ADGB: variants seen among roughly 807,000 people sequenced by gnomAD.
ADGB encodes androglobin.
Under a neutral mutation model 210.5 loss-of-function variants are expected in ADGB, and 172 were observed. The ratio of observed to expected loss-of-function variants is 0.82; its 90% CI spans 0.72 to 0.93. The LOEUF (loss-of-function observed/expected upper bound fraction) is 0.93, where lower values mean the gene tolerates loss of function less well. Ranked by LOEUF, ADGB falls within the 40% of genes least tolerant of loss-of-function variation. The pLI, the probability that ADGB is intolerant of heterozygous loss-of-function variation, is 0.00. For missense variants in ADGB, 2,025 were observed against 1,964.8 expected, an observed-to-expected ratio of 1.03 and a Z score of -0.58; for synonymous variants, 658 against 662.7, an observed-to-expected ratio of 0.99 and a Z score of 0.11.
At chr6:146,803,452 T>A in intron 35 of ADGB, 1 of 1,607,808 alleles carries the variant, frequency 6.2e-7, no homozygotes, top group Non-Finnish European at 8.5e-7. Context: ...GGGCTGTTTT[T>A]TTCTGTAACA....
chr6:146,610,212 TG>T (rs1429966675), intron 1 of ADGB, among the ~76,000 whole-genome samples: 24 of 152,224 alleles, frequency 1.6e-4, no homozygotes, highest in Admixed American at 1.6e-3. Flanking sequence ...TTCCTTAAAA[TG>T]GCTATTTCAT....
At chr6:146,689,816 T>A (rs943067348) in intron 10 of ADGB, among the ~76,000 whole-genome samples, 9 of 152,124 alleles carry the variant, frequency 5.9e-5, no homozygotes, top group African/African-American at 2.2e-4. Context: ...AACTTAAAAC[T>A]CGACAGGGTT....
intron 10 of ADGB, among the ~76,000 whole-genome samples, chr6:146,688,841 TG>T (rs1776266212): frequency 6.6e-6 from 1 of 152,106 alleles, no homozygotes; most frequent in Non-Finnish European, 1.5e-5. Context: ...TTTTGTTAAA[TG>T]GAGTACATTG....
At chr6:146,726,290 T>C (rs1008279940) in intron 19 of ADGB, 93 bp downstream of exon 19, 1 of 785,918 alleles carries the variant, frequency 1.3e-6, no homozygotes, top group Non-Finnish European at 2.0e-6. Flanking sequence ...GGCATGATCT[T>C]GGCTCACTGC....
At chr6:146,676,164 G>C in intron 8 of ADGB, 149 bp from the exon 9 acceptor site, 2 of 633,372 alleles carry the variant, frequency 3.2e-6, no homozygotes, top group Non-Finnish European at 4.9e-6. Context: ...TCTAATTAGA[G>C]GGGATCATGT....
intron 3 of ADGB, among the ~76,000 whole-genome samples, chr6:146,650,517 T>C (rs745643833): frequency 5.3e-4 from 69 of 129,994 alleles, no homozygotes; most frequent in Non-Finnish European, 9.0e-4. Flanking sequence ...CCAGGTAAAC[T>C]AGAAAATAAT....
chr6:146,725,440 T>G (rs1776881074), intron 18 of ADGB: 1 of 152,268 alleles, frequency 6.6e-6, no homozygotes, highest in Non-Finnish European at 1.5e-5. Context: ...GGAATCCTAT[T>G]GTGAACTGCA....
At chr6:146,671,811 G>A (rs1405872197) in intron 7 of ADGB, among the ~76,000 whole-genome samples, 5 of 152,146 alleles carry the variant, frequency 3.3e-5, no homozygotes, top group African/African-American at 4.8e-5. Context: ...AGAATTAAAA[G>A]CAAGAAACAA....
At chr6:146,752,822 A>C (rs1326407560) in intron 27 of ADGB, 108 bp downstream of exon 27, 13 of 1,066,486 alleles carry the variant, frequency 1.2e-5, no homozygotes, top group Admixed American at 3.2e-5. Flanking sequence ...TTAAATTATG[A>C]AACTTCATAG....
intron 20 of ADGB, among the ~76,000 whole-genome samples, chr6:146,729,801 CCTTTT>C (rs151016020): frequency 3.3e-3 from 503 of 152,222 alleles, no homozygotes; most frequent in African/African-American, 0.012. Flanking sequence ...AGGAATTTGT[CCTTTT>C]CTTCTGGGTT....
intron 35 of ADGB, chr6:146,803,439 A>G: frequency 6.2e-7 from 1 of 1,605,290 alleles, no homozygotes; most frequent in South Asian, 1.1e-5. Flanking sequence ...CCCACCTTCC[A>G]GGGGGCTGTT....
intron 4 of ADGB, among the ~76,000 whole-genome samples, chr6:146,655,651 A>G (rs1445493508): frequency 6.6e-6 from 1 of 152,234 alleles, no homozygotes; most frequent in African/African-American, 2.4e-5. Context: ...TATACATATT[A>G]GTATAAAATT....
chr6:146,803,799 C>G (rs535277561), intron 35 of ADGB: 1 of 546,668 alleles, frequency 1.8e-6, no homozygotes, highest in South Asian at 2.4e-5. Flanking sequence ...TAGAGCGTCC[C>G]TCGGCTTCTG....
intron 9 of ADGB, among the ~76,000 whole-genome samples, chr6:146,684,319 C>T (rs2114914818): frequency 6.6e-6 from 1 of 152,220 alleles, no homozygotes; most frequent in Non-Finnish European, 1.5e-5. Flanking sequence ...ATTTAGCAGT[C>T]ATCACTGTCA....
intron 35 of ADGB, among the ~76,000 whole-genome samples, chr6:146,808,101 G>A (rs1778241642): frequency 1.4e-5 from 2 of 142,266 alleles, no homozygotes; most frequent in South Asian, 4.7e-4. Flanking sequence ...CCAGGTTCAA[G>A]TGATTCTCCT....
At chr6:146,633,497 C>A (rs892241358) in intron 1 of ADGB, among the ~76,000 whole-genome samples, 1 of 151,980 alleles carries the variant, frequency 6.6e-6, no homozygotes, top group East Asian at 1.9e-4. Context: ...CAATCAACTT[C>A]CATTGCTTTT....
chr6:146,691,431 T>TA (rs1776310227), intron 11 of ADGB, 141 bp downstream of exon 11: 1 of 31,058 alleles, frequency 3.2e-5, no homozygotes, highest in Admixed American at 5.3e-4. Context: ...TATATATATA[T>TA]ATATATATAT....
At chr6:146,782,528 C>T (rs927773) in intron 30 of ADGB, among the ~76,000 whole-genome samples, 80,084 of 151,462 alleles carry the variant, frequency 0.53, 21,763 homozygotes, top group African/African-American at 0.63. Flanking sequence ...ATGTTGAATG[C>T]TATATGTGCA....
chr6:146,714,454 T>G lies in ADGB; in HGVS notation c.1708-928T>G, dbSNP rs191074708. Among the ~76,000 whole-genome samples, 305 of 152,338 alleles carry G rather than the reference T, an allele frequency of 2.0e-3. 1 individual carries two copies. Among genetic ancestry groups the G allele is most frequent in the African/African-American group, 7.1e-3 (294 of 41,574 alleles). On this transcript the variant is annotated intron_variant, in intron 13 of 35. Transcript: ENST00000397944. Reference sequence around the variant, plus strand: ...GCTGAAAGTCTCAGCACTTAGCTTGTGGACTTTCACTTAATTCCTCTGTTG... The same window carrying G: ...GCTGAAAGTCTCAGCACTTAGCTTGGGGACTTTCACTTAATTCCTCTGTTG...
Sources: allele counts gnomAD v4.1 joint callset (sites outside exome capture counted in the v4.1 genomes callset), GRCh38; gene constraint gnomAD v4.1.1; transcripts MANE v1.5; gene names NCBI Gene and HGNC (gene_info 2026-07-23, HGNC 2026-07-21).